Variants in ABCC2 observed in about 807,000 individuals in gnomAD.
ABCC2 encodes ATP-binding cassette sub-family C member 2.
Under a neutral mutation model 173.4 loss-of-function variants are expected in ABCC2, and 157 were observed. That is an observed-to-expected ratio of 0.91 (90% CI 0.80 to 1.03). ABCC2 has a LOEUF of 1.03. Among genes scored for constraint, ABCC2 ranks in the 50% least tolerant of loss-of-function variants. The pLI, the probability that ABCC2 is intolerant of heterozygous loss-of-function variation, is 0.00. For missense variants in ABCC2, 1,822 were observed against 1,852.3 expected (o/e 0.98, Z 0.30); for synonymous variants, 657 against 693.5 (o/e 0.95, Z 0.83).
chr10:99,790,440 A>T (rs1385546061), intron 2 of ABCC2, among the ~76,000 whole-genome samples: 2 of 152,128 alleles, frequency 1.3e-5, no homozygotes, highest in African/African-American at 4.8e-5. Context: ...TATAAAGTTA[A>T]CTGGTCTTTT....
Position 99,787,836 on chromosome 10 carries a change from G to A in ABCC2, c.207+3055G>A, listed in dbSNP as rs528624214. On this transcript the variant is annotated intron_variant, in intron 2 of 31. Coordinates refer to ENST00000647814, the MANE Select transcript of ABCC2 (RefSeq NM_000392.5). ...CCAACACTTTGGGAAGCTGAAGTGG[G>A]AGAATTGCTTGAGCCCAGCATTTCG... Among the ~76,000 whole-genome samples, 4 of 152,208 alleles carry A rather than the reference G, an allele frequency of 2.6e-5. No individual in the cohort carries two copies. The East Asian group carries it at 7.7e-4, about 29-fold the overall frequency.
intron 6 of ABCC2, among the ~76,000 whole-genome samples, chr10:99,795,745 A>G (rs1371992085): frequency 1.3e-5 from 1 of 79,726 alleles, no homozygotes; most frequent in Non-Finnish European, 2.6e-5. Flanking sequence ...GAAGGAAAGA[A>G]AGAAAGAAAG....
intron 2 of ABCC2, among the ~76,000 whole-genome samples, chr10:99,789,749 G>GA (rs1490310392): frequency 8.8e-6 from 1 of 113,426 alleles, no homozygotes; most frequent in East Asian, 3.1e-4. Flanking sequence ...GAAAAAGAAA[G>GA]AAAAGGAAAG....
intron 2 of ABCC2, among the ~76,000 whole-genome samples, chr10:99,787,035 G>A (rs1448209992): frequency 4.6e-5 from 7 of 151,346 alleles, no homozygotes; most frequent in Non-Finnish European, 8.8e-5. Flanking sequence ...TGGTGCAGTG[G>A]CACACACCTG....
chr10:99,830,295 G>C lies in ABCC2; in HGVS notation c.2621-12G>C. The C allele has an allele frequency of 5.0e-6, 8 of 1,614,052 alleles. No individual in the cohort carries two copies. The highest frequency in any genetic ancestry group is 6.8e-6 in the Non-Finnish European group (8 of 1,179,978). ...TGCAGCTCTTTCCCTAACCTCTACT[G>C]TGTCTCCCTAGTCCATGATGGCAGT... is the stretch of plus-strand genomic sequence containing the variant. On this transcript the variant is annotated splice_polypyrimidine_tract_variant and intron_variant, in intron 19 of 31. Coordinates refer to ENST00000647814, the MANE Select transcript of ABCC2 (RefSeq NM_000392.5).
At chr10:99,797,415 AT>A in intron 7 of ABCC2, 84 bp downstream of exon 7, 1 of 1,226,476 alleles carries the variant, frequency 8.2e-7, no homozygotes, top group Non-Finnish European at 1.2e-6. Flanking sequence ...CTGTCCTTAC[AT>A]TTTTATAGCA....
chr10:99,823,360 G>A (rs1164595975), intron 19 of ABCC2, among the ~76,000 whole-genome samples: 2 of 151,874 alleles, frequency 1.3e-5, no homozygotes, highest in Non-Finnish European at 2.9e-5. Context: ...CTGTGTGCTC[G>A]AATATGAGTA....
At chr10:99,828,859 CAT>C (rs2038690120) in intron 19 of ABCC2, among the ~76,000 whole-genome samples, 2 of 151,900 alleles carry the variant, frequency 1.3e-5, no homozygotes, top group Non-Finnish European at 2.9e-5. Flanking sequence ...TACAGAGCCA[CAT>C]AGTCAGCCGG....
intron 20 of ABCC2, 21 bp downstream of exon 20, chr10:99,830,454 G>A: frequency 6.2e-7 from 1 of 1,614,152 alleles, no homozygotes; most frequent in South Asian, 1.1e-5. Flanking sequence ...TATTCAGCTG[G>A]CAGCCCTCGT....
intron 13 of ABCC2, among the ~76,000 whole-genome samples, chr10:99,809,861 T>C (rs1341376914): frequency 1.3e-5 from 2 of 152,178 alleles, no homozygotes; most frequent in African/African-American, 4.8e-5. Context: ...TAATTTTTTG[T>C]CTTAGAAGGC....
rs546678421 is a variant in ABCC2 at position 99,796,917 on chromosome 10, CA to C, written c.633-179del. On this transcript the variant is annotated intron_variant, in intron 6 of 31. Coordinates refer to ENST00000647814, the MANE Select transcript of ABCC2 (RefSeq NM_000392.5). ...GTCTTCTAACACATTCTTTTGCCCC[CA>C]CCCATTCCTTTTGCTGCTCTCCCCA... Among the ~76,000 whole-genome samples the C allele has an allele frequency of 1.5e-3, 221 of 152,272 alleles. 1 individual carries two copies. Among genetic ancestry groups the C allele is most frequent in the South Asian group, 2.7e-3 (13 of 4,822 alleles).
At chr10:99,800,588 C>T (rs1280320994) in intron 9 of ABCC2, 25 bp downstream of exon 9, 1 of 1,612,918 alleles carries the variant, frequency 6.2e-7, no homozygotes, top group Non-Finnish European at 8.5e-7. Context: ...GCAGGTATCA[C>T]CAAAGAAAAT....
intron 10 of ABCC2, 127 bp downstream of exon 10, chr10:99,804,400 A>C: frequency 5.6e-6 from 7 of 1,260,338 alleles, no homozygotes; most frequent in Non-Finnish European, 7.9e-6. Flanking sequence ...CTACCATCTC[A>C]ATTGTACTTA....
chr10:99,820,334 T>C (rs922394509), intron 19 of ABCC2, among the ~76,000 whole-genome samples: 3 of 152,076 alleles, frequency 2.0e-5, no homozygotes, highest in Admixed American at 6.5e-5. Context: ...GAGGTTGCGG[T>C]GAGCTGAGAT....
chr10:99,818,521 C>T (rs549943296), intron 17 of ABCC2, among the ~76,000 whole-genome samples: 1 of 152,164 alleles, frequency 6.6e-6, no homozygotes, highest in African/African-American at 2.4e-5. Context: ...ATAGAAAAAA[C>T]CTCTGCTCTA....
chr10:99,842,145 T>G (rs1280630916), intron 26 of ABCC2, 52 bp downstream of exon 26: 5 of 1,611,858 alleles, frequency 3.1e-6, no homozygotes, highest in Non-Finnish European at 4.2e-6. Flanking sequence ...ATTCTTAAAT[T>G]AAGCCTGATG....
chr10:99,803,903 G>C, intron 9 of ABCC2, 116 bp from the exon 10 acceptor site: 1 of 1,345,770 alleles, frequency 7.4e-7, no homozygotes, highest in Non-Finnish European at 1.1e-6. Flanking sequence ...CCTTGGAGAA[G>C]CTGTGTCCAT....
chr10:99,833,982 G>A (rs2038779983), intron 23 of ABCC2, among the ~76,000 whole-genome samples: 1 of 152,138 alleles, frequency 6.6e-6, no homozygotes. Flanking sequence ...ACACTGTCCA[G>A]GCAGGCTCAC....
intron 16 of ABCC2, among the ~76,000 whole-genome samples, chr10:99,814,257 ACACACGTATGTATACACACGTATG>A (rs2038298492): frequency 6.5e-5 from 3 of 45,920 alleles, no homozygotes; most frequent in Admixed American, 2.1e-4. Context: ...ACGTATGTAT[ACACACGTATGTATACACACGTATG>A]TATACACACA....
Sources: gnomAD v4.1 joint callset for allele counts (sites outside exome capture counted in the v4.1 genomes callset) on GRCh38, gnomAD v4.1.1 for gene constraint, MANE v1.5 for transcripts, NCBI Gene and HGNC (gene_info 2026-07-23, HGNC 2026-07-21) for gene names.